Variants in PTPN11 observed in about 807,000 individuals in gnomAD.
The protein encoded by PTPN11 is tyrosine-protein phosphatase non-receptor type 11.
A neutral mutation model predicts 78.8 loss-of-function variants in PTPN11; 6 were observed. The ratio of observed to expected loss-of-function variants is 0.08; its 90% confidence interval spans 0.04 to 0.15. The LOEUF (loss-of-function observed/expected upper bound fraction) is 0.15, where lower values mean the gene tolerates loss of function less well. Among genes scored for constraint, PTPN11 ranks in the 10% least tolerant of loss-of-function variants. The probability of loss-of-function intolerance (pLI) is 1.00; values close to 1 mark genes in which losing one functional copy is unlikely to be tolerated. For missense variants in PTPN11, 386 were observed against 744.8 expected (o/e 0.52, Z 5.61); for synonymous variants, 221 against 263.5 (o/e 0.84, Z 1.56).
At chr12:112,492,675 A>G (rs1235686513) in intron 13 of PTPN11, among the ~76,000 whole-genome samples, 4 of 151,898 alleles carry the variant, frequency 2.6e-5, no homozygotes, top group East Asian at 1.9e-4. Context: ...CCGCCATCAC[A>G]CCTGGCTAAT....
chr12:112,477,679 T>C lies in PTPN11; in HGVS notation c.882T>C (p.Asp294=), dbSNP rs1373880240. ...PFDHTRVVLH[D]GDPNEPVSDY... is the part of the protein sequence containing the mutation. Reference sequence around the variant, plus strand: ...ATCATACCAGGGTTGTCCTACACGATGGTGATCCCAATGAGCCTGTTTCAG... The same window carrying C: ...ATCATACCAGGGTTGTCCTACACGACGGTGATCCCAATGAGCCTGTTTCAG... Residue 294 remains aspartate (D), a synonymous_variant, in exon 8 of 16, where the codon GAT becomes GAC. Transcript: ENST00000351677. 14 of 1,613,266 alleles carry C rather than the reference T, an allele frequency of 8.7e-6. No individual in the cohort carries two copies. The highest frequency in any genetic ancestry group is 1.1e-5 in the Non-Finnish European group (13 of 1,179,516).
chr12:112,484,974 C>G (rs2038651684), intron 10 of PTPN11, among the ~76,000 whole-genome samples: 1 of 151,674 alleles, frequency 6.6e-6, no homozygotes, highest in South Asian at 2.1e-4. Flanking sequence ...AAAAATGTCA[C>G]TTAAGGCTGG....
At chr12:112,483,964 A>G (rs1002469776) in intron 10 of PTPN11, among the ~76,000 whole-genome samples, 2 of 152,092 alleles carry the variant, frequency 1.3e-5, no homozygotes, top group Admixed American at 1.3e-4. Context: ...GCGGTCAGGG[A>G]GGCAAGGGTG....
chr12:112,453,659 T>TG (rs1178625480), intron 4 of PTPN11, among the ~76,000 whole-genome samples: 49 of 151,372 alleles, frequency 3.2e-4, no homozygotes, highest in African/African-American at 1.1e-3. Flanking sequence ...TTTTTTTTTT[T>TG]TTTGTTTTTG....
At chr12:112,488,602 A>C in intron 12 of PTPN11, 92 bp downstream of exon 12, 1 of 1,312,868 alleles carries the variant, frequency 7.6e-7, no homozygotes, top group Non-Finnish European at 1.1e-6. Context: ...AGAGAGGTTG[A>C]ATGGGAAAAT....
intron 1 of PTPN11, among the ~76,000 whole-genome samples, chr12:112,419,699 C>T (rs931908945): frequency 3.3e-5 from 5 of 152,196 alleles, no homozygotes; most frequent in African/African-American, 1.2e-4. Context: ...ACTGTATCTG[C>T]AGCCACTAGA....
At chr12:112,427,337 G>A (rs2037633965) in intron 1 of PTPN11, among the ~76,000 whole-genome samples, 1 of 151,982 alleles carries the variant, frequency 6.6e-6, no homozygotes, top group South Asian at 2.1e-4. Flanking sequence ...AGGAGGTCAG[G>A]AGATCGAGAC....
chr12:112,421,697 C>A (rs536650207), intron 1 of PTPN11, among the ~76,000 whole-genome samples: 2 of 152,156 alleles, frequency 1.3e-5, no homozygotes, highest in East Asian at 3.9e-4. Flanking sequence ...TGCAGTGGTG[C>A]AATCACTGCA....
intron 1 of PTPN11, among the ~76,000 whole-genome samples, chr12:112,421,073 A>G (rs2135821231): frequency 6.6e-6 from 1 of 152,302 alleles, no homozygotes; most frequent in South Asian, 2.1e-4. Flanking sequence ...GGGCATAGTC[A>G]AAGTAGCAAG....
chr12:112,442,617 A>C (rs2037911426), intron 1 of PTPN11, among the ~76,000 whole-genome samples: 1 of 150,254 alleles, frequency 6.7e-6, no homozygotes, highest in African/African-American at 2.4e-5. Context: ...ACGGCCGGCT[A>C]ATTTTTGTAT....
intron 1 of PTPN11, among the ~76,000 whole-genome samples, chr12:112,440,091 T>C (rs1214036628): frequency 1.3e-5 from 2 of 152,194 alleles, no homozygotes; most frequent in Non-Finnish European, 2.9e-5. Flanking sequence ...TCATTACTTT[T>C]TGATTCCTTA....
At chr12:112,490,980 G>A (rs1341448008) in intron 13 of PTPN11, among the ~76,000 whole-genome samples, 1 of 152,050 alleles carries the variant, frequency 6.6e-6, no homozygotes, top group Non-Finnish European at 1.5e-5. Flanking sequence ...CAGGATAATT[G>A]GTTATTCTAA....
chr12:112,428,698 A>C (rs1170561749), intron 1 of PTPN11: 1 of 152,248 alleles, frequency 6.6e-6, no homozygotes, highest in African/African-American at 2.4e-5. Context: ...CGAAAGCTCA[A>C]GTAGATGGTC....
At chr12:112,467,034 C>T (rs1226828075) in intron 6 of PTPN11, among the ~76,000 whole-genome samples, 1 of 152,100 alleles carries the variant, frequency 6.6e-6, no homozygotes, top group Non-Finnish European at 1.5e-5. Context: ...GGCTGCTGCT[C>T]CTGGCATTTA....
chr12:112,447,609 C>T (rs964651589), intron 2 of PTPN11, among the ~76,000 whole-genome samples: 4 of 151,936 alleles, frequency 2.6e-5, no homozygotes, highest in South Asian at 2.1e-4. Context: ...AAGCTATTCT[C>T]CTGTCTCAGC....
At position 112,444,342 on chromosome 12, in the gene PTPN11, T is replaced by G. The variant is rs572561368; in HGVS notation, c.15-1934T>G. Among the ~76,000 whole-genome samples, 5 of 150,818 alleles carry G rather than the reference T, an allele frequency of 3.3e-5. No individual in the cohort carries two copies. In the East Asian group the frequency reaches 9.7e-4, roughly 29 times the overall value. ...TCTGGATCATATGGTACTTCCAAGT[T>G]TTTTTTTTTTCTTTTTTGAGACAAG... On this transcript the variant is annotated intron_variant, in intron 1 of 15. Coordinates refer to ENST00000351677, the MANE Select transcript of PTPN11 (RefSeq NM_002834.5).
intron 6 of PTPN11, among the ~76,000 whole-genome samples, chr12:112,468,922 G>A (rs1356218878): frequency 6.6e-6 from 1 of 152,198 alleles, no homozygotes. Context: ...GAATTAGCCA[G>A]ATGTGGTGGT....
chr12:112,429,381 TA>T (rs1002384747), intron 1 of PTPN11, among the ~76,000 whole-genome samples: 3 of 151,506 alleles, frequency 2.0e-5, no homozygotes, highest in South Asian at 4.2e-4. Context: ...GTTTATGTAA[TA>T]AAAGGGTAAA....
rs727504397 is a variant in PTPN11 at position 112,486,468 on chromosome 12, A to G, written c.1225-7A>G. 1.2e-6 allele frequency: 2 copies of G among 1,612,544 alleles called. No homozygotes were observed. Among genetic ancestry groups the G allele is most frequent in the Admixed American group, 1.7e-5 (1 of 59,988 alleles). On this transcript the variant is annotated splice_polypyrimidine_tract_variant and splice_region_variant and intron_variant, in intron 10 of 15. Transcript: ENST00000351677. ...TTCTTTTCTGGTTTTTCTTGGCTCT[A>G]CTCCAGGGGAATACGGAGAGAACGG...
Sources: gnomAD v4.1 joint callset for allele counts (sites outside exome capture counted in the v4.1 genomes callset) on GRCh38, gnomAD v4.1.1 for gene constraint, MANE v1.5 for transcripts, NCBI Gene and HGNC (gene_info 2026-07-23, HGNC 2026-07-21) for gene names.